Variants in ERAP1 observed in about 807,000 individuals in gnomAD.
ERAP1 encodes adipocyte-derived leucine aminopeptidase.
ERAP1 carries 86 observed loss-of-function variants against 103.7 expected under a neutral mutation model. The observed-to-expected ratio is 0.83, with a 90% confidence interval of 0.70 to 0.99. The LOEUF (loss-of-function observed/expected upper bound fraction) is 0.99, where lower values mean the gene tolerates loss of function less well. Among genes scored for constraint, ERAP1 ranks in the 50% least tolerant of loss-of-function variants. The probability of loss-of-function intolerance (pLI) is 0.00; values close to 1 mark genes in which losing one functional copy is unlikely to be tolerated. For synonymous variants in ERAP1, 398 were observed against 402.4 expected (o/e 0.99, Z 0.13); for missense variants, 1,009 against 1,128.4 (o/e 0.89, Z 1.52).
upstream of ERAP1, chr5:96,808,046 T>C: frequency 1.0e-6 from 1 of 984,328 alleles, no homozygotes; most frequent in Non-Finnish European, 1.2e-6. Flanking sequence ...GGGGAAAGGG[T>C]AAACGGGAGT....
the ERAP1 span, chr5:96,900,018 T>C: frequency 7.5e-7 from 1 of 1,335,250 alleles, no homozygotes; most frequent in Non-Finnish European, 1.0e-6. Context: ...GATGAATTAT[T>C]TCATATAGCT....
the ERAP1 span, among the ~76,000 whole-genome samples, chr5:96,916,689 C>T: frequency 4.0e-5 from 6 of 151,038 alleles, no homozygotes; most frequent in Non-Finnish European, 5.9e-5. Flanking sequence ...AGGGTGGTCT[C>T]GATCTCCTGA....
chr5:96,776,624 A>T (rs1774351137), intron 18 of ERAP1, 73 bp from the exon 19 acceptor site: 1 of 1,572,838 alleles, frequency 6.4e-7, no homozygotes, highest in Non-Finnish European at 8.6e-7. Context: ...GTTAAAACTG[A>T]AGCCAAAATT....
At chr5:96,834,922 C>G in the ERAP1 span, among the ~76,000 whole-genome samples, 2 of 152,120 alleles carry the variant, frequency 1.3e-5, no homozygotes, top group African/African-American at 4.8e-5. Context: ...CCCATTGAAT[C>G]AAAATCTGAT....
At chr5:96,930,390 T>A in the ERAP1 span, among the ~76,000 whole-genome samples, 1 of 152,162 alleles carries the variant, frequency 6.6e-6, no homozygotes, top group Non-Finnish European at 1.5e-5. Flanking sequence ...GGCATGAAGC[T>A]CCATTGCGCA....
chr5:96,892,792 A>G, the ERAP1 span, among the ~76,000 whole-genome samples: 6 of 152,140 alleles, frequency 3.9e-5, no homozygotes, highest in African/African-American at 1.4e-4. Context: ...TACTAAAAAT[A>G]TTTCTCCTTA....
chr5:96,886,778 T>C, the ERAP1 span: 1 of 1,505,148 alleles, frequency 6.6e-7, no homozygotes, highest in African/African-American at 1.4e-5. Flanking sequence ...CTTCACTTCA[T>C]CAGGGGTCAA....
At chr5:96,804,011 A>T in intron 1 of ERAP1, 68 bp from the exon 2 acceptor site, 1 of 1,546,940 alleles carries the variant, frequency 6.5e-7, no homozygotes, top group Non-Finnish European at 8.8e-7. Flanking sequence ...GCATAATTTC[A>T]GAATGTATCC....
At chr5:96,859,099 AC>A in the ERAP1 span, among the ~76,000 whole-genome samples, 1 of 135,740 alleles carries the variant, frequency 7.4e-6, no homozygotes, top group Non-Finnish European at 1.7e-5. Context: ...ACACACACAC[AC>A]ACACACTGAA....
the ERAP1 span, among the ~76,000 whole-genome samples, chr5:96,932,095 T>C: frequency 2.6e-5 from 4 of 152,190 alleles, no homozygotes; most frequent in African/African-American, 9.7e-5. Flanking sequence ...ATTATTCTGC[T>C]TTCTTCTGTG....
chr5:96,772,368 A>G (rs1772737218), downstream of ERAP1: 1 of 152,998 alleles, frequency 6.5e-6, no homozygotes, highest in Non-Finnish European at 1.5e-5. Flanking sequence ...CCAAAGCCTA[A>G]AAGAAATCAA....
the ERAP1 span, chr5:96,889,066 G>C: frequency 2.5e-6 from 3 of 1,186,974 alleles, no homozygotes; most frequent in Non-Finnish European, 3.6e-6. Flanking sequence ...CATGCTTAAT[G>C]GTATCTTAAT....
At chr5:96,790,144 G>C in intron 10 of ERAP1, 152 bp downstream of exon 10, 1 of 732,084 alleles carries the variant, frequency 1.4e-6, no homozygotes, top group Non-Finnish European at 2.3e-6. Flanking sequence ...AATTGAAAAA[G>C]ATTATGAGTA....
At chr5:96,828,245 G>T in the ERAP1 span, among the ~76,000 whole-genome samples, 7 of 151,992 alleles carry the variant, frequency 4.6e-5, no homozygotes, top group African/African-American at 1.5e-4. Context: ...TCTTTTGTGG[G>T]TCATTACATT....
chr5:96,850,801 T>C, the ERAP1 span, among the ~76,000 whole-genome samples: 1 of 152,190 alleles, frequency 6.6e-6, no homozygotes, highest in Non-Finnish European at 1.5e-5. Flanking sequence ...TGGACAAAGA[T>C]ATCCAGAAAG....
the ERAP1 span, chr5:96,918,260 A>T: frequency 6.6e-6 from 1 of 152,368 alleles, no homozygotes; most frequent in Non-Finnish European, 1.5e-5. Flanking sequence ...CCATTGCTTC[A>T]CGCTATGCCA....
chr5:96,775,404 TGTAAA>T lies in ERAP1; in HGVS notation c.*987_*991del, dbSNP rs938380843. The T allele has an allele frequency of 1.3e-5, 13 of 985,306 alleles. No homozygotes were observed. The African/African-American group carries it at 1.6e-4, about 12-fold the overall frequency. The allele number at this position is 985,306 out of a possible 1,614,324, so 61.0% of individuals were successfully genotyped here. A position where few individuals can be genotyped will look rare whatever the true frequency, so the allele number is the denominator to read the frequency against. ...TGCCAATAACTAGTTAGTTAGAAAT[TGTAAA>T]GTAGGCCAAATAAGAAGCAGAGAGA... On this transcript the variant is annotated 3_prime_UTR_variant, in exon 19 of 19. Coordinates refer to ENST00000443439, the MANE Select transcript of ERAP1 (RefSeq NM_001040458.3).
the ERAP1 span, among the ~76,000 whole-genome samples, chr5:96,928,829 CAATA>C: frequency 6.6e-6 from 1 of 152,118 alleles, no homozygotes; most frequent in African/African-American, 2.4e-5. Flanking sequence ...GGCAATCTCG[CAATA>C]GATAGAAAAC....
chr5:96,801,072 T>C lies in ERAP1; in HGVS notation c.525-72A>G, dbSNP rs1428948770. The C allele has an allele frequency of 3.3e-6, 5 of 1,528,108 alleles. No individual in the cohort carries two copies. The African/African-American group carries it at 6.8e-5, about 21-fold the overall frequency. The allele number at this position is 1,528,108 out of a possible 1,614,324, so 94.7% of individuals were successfully genotyped here. A position where few individuals can be genotyped will look rare whatever the true frequency, so the allele number is the denominator to read the frequency against. Reference sequence around the variant, plus strand: ...AACTCTAAAACAGGTGTTTGCTTTTTAATTCCTAAAGTTACTATAAGATTG... The same window carrying C: ...AACTCTAAAACAGGTGTTTGCTTTTCAATTCCTAAAGTTACTATAAGATTG... On this transcript the variant is annotated intron_variant, in intron 2 of 18. Transcript: ENST00000443439.
Sources: gnomAD v4.1 joint callset for allele counts (sites outside exome capture counted in the v4.1 genomes callset) on GRCh38, gnomAD v4.1.1 for gene constraint, MANE v1.5 for transcripts, NCBI Gene and HGNC (gene_info 2026-07-23, HGNC 2026-07-21) for gene names.